The following CSMD2 variants were observed in gnomAD, a reference collection of about 807,000 sequenced individuals.
CSMD2 encodes the protein CUB and Sushi multiple domains 2.
Under a neutral mutation model 398.5 loss-of-function variants are expected in CSMD2, and 130 were observed. The ratio of observed to expected loss-of-function variants is 0.33; its 90% CI spans 0.28 to 0.38. CSMD2 has a LOEUF of 0.38. CSMD2 is among the 10% of genes least tolerant of loss of function. The pLI is 1.00. For missense variants in CSMD2, 3,829 were observed against 4,764.9 expected, an observed-to-expected ratio of 0.80 and a Z score of 5.78; for synonymous variants, 1,828 against 1,908.5, an observed-to-expected ratio of 0.96 and a Z score of 1.10.
At chr1:33,527,866 G>A (rs1654915180) in intron 64 of CSMD2, among the ~76,000 whole-genome samples, 2 of 150,398 alleles carry the variant, frequency 1.3e-5, no homozygotes, top group South Asian at 2.1e-4. Context: ...GTGTGAACCT[G>A]GGAGGCGGAG....
intron 49 of CSMD2, 135 bp downstream of exon 49, chr1:33,577,161 T>C: frequency 2.4e-6 from 2 of 838,370 alleles, no homozygotes; most frequent in Non-Finnish European, 3.6e-6. Flanking sequence ...CTACAGATCT[T>C]GTAAATGCTT....
At chr1:33,558,059 GT>G in intron 54 of CSMD2, 137 bp from the exon 55 acceptor site, 1 of 699,672 alleles carries the variant, frequency 1.4e-6, no homozygotes, top group Non-Finnish European at 2.4e-6. Flanking sequence ...CCTCACCTTG[GT>G]TACCTGGTCA....
chr1:33,739,049 G>A, intron 15 of CSMD2, 91 bp downstream of exon 15: 1 of 1,308,024 alleles, frequency 7.6e-7, no homozygotes, highest in Non-Finnish European at 1.0e-6. Flanking sequence ...GACCAACGCA[G>A]AAAGGAACCA....
At chr1:33,857,762 G>T (rs1158147) in intron 5 of CSMD2, among the ~76,000 whole-genome samples, 1 of 151,922 alleles carries the variant, frequency 6.6e-6, no homozygotes, top group Admixed American at 6.5e-5. Context: ...GACTAGTTTG[G>T]GGACAATTCT....
intron 3 of CSMD2, among the ~76,000 whole-genome samples, chr1:33,943,233 C>T (rs750932716): frequency 6.6e-5 from 10 of 152,352 alleles, no homozygotes; most frequent in African/African-American, 1.9e-4. Flanking sequence ...GCCATCAGTA[C>T]GAATTAAAGC....
At chr1:33,986,963 C>A (rs1646380544) in intron 3 of CSMD2, among the ~76,000 whole-genome samples, 1 of 152,120 alleles carries the variant, frequency 6.6e-6, no homozygotes, top group Non-Finnish European at 1.5e-5. Flanking sequence ...GCAGGAGGGG[C>A]TGCAGGGTCT....
intron 27 of CSMD2, among the ~76,000 whole-genome samples, chr1:33,657,355 G>A (rs944803802): frequency 2.0e-5 from 3 of 152,148 alleles, no homozygotes; most frequent in Non-Finnish European, 4.4e-5. Flanking sequence ...AGGCCTGCAA[G>A]CCCAGCTACT....
chr1:34,124,568 G>T (rs1315873844), intron 1 of CSMD2, among the ~76,000 whole-genome samples: 1 of 152,098 alleles, frequency 6.6e-6, no homozygotes, highest in East Asian at 1.9e-4. Flanking sequence ...CTCCCCATTT[G>T]TCTTCTCATT....
chr1:33,577,152 T>C (rs1638321165), intron 49 of CSMD2, 144 bp downstream of exon 49: 1 of 773,288 alleles, frequency 1.3e-6, no homozygotes, highest in Non-Finnish European at 2.0e-6. Flanking sequence ...TGCTACGCAC[T>C]ACAGATCTTG....
chr1:34,061,354 T>C (rs1340488195), intron 2 of CSMD2, among the ~76,000 whole-genome samples: 3 of 152,208 alleles, frequency 2.0e-5, no homozygotes, highest in Non-Finnish European at 4.4e-5. Context: ...CATCCTTGGC[T>C]GATCCAGACT....
intron 10 of CSMD2, among the ~76,000 whole-genome samples, chr1:33,802,711 C>T (rs1416244681): frequency 6.6e-6 from 1 of 152,200 alleles, no homozygotes; most frequent in East Asian, 1.9e-4. Context: ...CTTCTAACAA[C>T]AGCATCTTTC....
chr1:34,137,467 T>C (rs1638870500), intron 1 of CSMD2, among the ~76,000 whole-genome samples: 1 of 152,206 alleles, frequency 6.6e-6, no homozygotes, highest in Non-Finnish European at 1.5e-5. Flanking sequence ...GACTTCTAGC[T>C]ACCAGTAAGA....
chr1:34,142,274 G>C (rs1639370053), intron 1 of CSMD2, among the ~76,000 whole-genome samples: 1 of 152,008 alleles, frequency 6.6e-6, no homozygotes, highest in Admixed American at 6.6e-5. Flanking sequence ...CGAGCAAATG[G>C]GGGTACACTC....
chr1:33,784,772 C>A (rs1016990326), intron 12 of CSMD2, among the ~76,000 whole-genome samples: 2 of 152,140 alleles, frequency 1.3e-5, no homozygotes, highest in Admixed American at 6.5e-5. Context: ...TGGTGACACC[C>A]CCAGGGAAGG....
intron 4 of CSMD2, among the ~76,000 whole-genome samples, chr1:33,933,549 T>C (rs139237315): frequency 4.6e-5 from 7 of 152,366 alleles, no homozygotes; most frequent in African/African-American, 1.7e-4. Context: ...TCATATTTCA[T>C]ATTCTATCAT....
At chr1:33,960,514 A>G (rs2125394475) in intron 3 of CSMD2, among the ~76,000 whole-genome samples, 1 of 152,338 alleles carries the variant, frequency 6.6e-6, no homozygotes, top group African/African-American at 2.4e-5. Context: ...GGACAGGGAC[A>G]TTGATCAGAC....
At position 33,525,061 on chromosome 1, in the gene CSMD2, T is replaced by C. The variant is rs767461458; in HGVS notation, c.10235-18A>G. On this transcript the variant is annotated intron_variant, in intron 65 of 70. Coordinates refer to ENST00000373381, the MANE Select transcript of CSMD2 (RefSeq NM_001281956.2). ...CCCAGGAACTAGAGGAATTGAGAAA[T>C]AGATGTGAGAGGGACTTTGTGTGTG... 2.5e-6 allele frequency: 4 copies of C among 1,613,690 alleles called. No individual in the cohort carries two copies. In the South Asian group the frequency reaches 3.3e-5, roughly 13 times the overall value.
At chr1:33,874,531 T>C (rs534071302) in intron 5 of CSMD2, among the ~76,000 whole-genome samples, 31 of 152,314 alleles carry the variant, frequency 2.0e-4, no homozygotes, top group African/African-American at 7.0e-4. Flanking sequence ...GGAAGGGACA[T>C]GTATTTTGCA....
intron 3 of CSMD2, among the ~76,000 whole-genome samples, chr1:34,029,373 C>G (rs1315671076): frequency 6.6e-6 from 1 of 152,170 alleles, no homozygotes; most frequent in African/African-American, 2.4e-5. Context: ...CAAGGTCACC[C>G]AGTGAGTCAG....
Sources: allele counts gnomAD v4.1 joint callset (sites outside exome capture counted in the v4.1 genomes callset), GRCh38; gene constraint gnomAD v4.1.1; transcripts MANE v1.5; gene names NCBI Gene and HGNC (gene_info 2026-07-23, HGNC 2026-07-21).